Variants in TECRL observed in about 807,000 individuals in gnomAD.
TECRL encodes the protein trans-2,3-enoyl-CoA reductase-like.
TECRL carries 63 observed loss-of-function variants against 52.8 expected under a neutral mutation model. The ratio of observed to expected loss-of-function variants is 1.19; its 90% CI spans 0.97 to 1.47. The LOEUF is 1.47. Among genes scored for constraint, TECRL ranks in the 40% most tolerant of loss-of-function variants. TECRL has a pLI of 0.00. For synonymous variants in TECRL, 164 were observed against 141.9 expected (o/e 1.16, Z -1.10); for missense variants, 482 against 429.6 (o/e 1.12, Z -1.08).
At chr4:64,362,784 T>G (rs755545694) in intron 2 of TECRL, among the ~76,000 whole-genome samples, 2 of 151,998 alleles carry the variant, frequency 1.3e-5, no homozygotes, top group Non-Finnish European at 2.9e-5. Flanking sequence ...AAAACAAGTG[T>G]ACAATCAAGT....
chr4:64,409,422 T>TA lies in TECRL; in HGVS notation c.-72dup, dbSNP rs1724963877. The TA allele has an allele frequency of 1.3e-6, 2 of 1,559,648 alleles. No homozygotes were observed. The highest frequency in any genetic ancestry group is 3.7e-5 in the Admixed American group (2 of 53,800). ...GCAAGTGTGTTCCTTTTGCATCAGT[T>TA]AAATACTGCTGGAGAACCTTTGAAA... On this transcript the variant is annotated 5_prime_UTR_variant, in exon 1 of 12. Coordinates refer to ENST00000381210, the MANE Select transcript of TECRL (RefSeq NM_001010874.5).
intron 7 of TECRL, among the ~76,000 whole-genome samples, chr4:64,303,067 G>A (rs1724113317): frequency 1.3e-5 from 2 of 151,104 alleles, no homozygotes; most frequent in Non-Finnish European, 3.0e-5. Context: ...TGTGAGTACA[G>A]AATTGAATAT....
At chr4:64,340,202 A>G (rs1437107359) in intron 2 of TECRL, among the ~76,000 whole-genome samples, 1 of 152,086 alleles carries the variant, frequency 6.6e-6, no homozygotes, top group Non-Finnish European at 1.5e-5. Context: ...CACCCCTTAT[A>G]AGTAGGGGCA....
intron 2 of TECRL, among the ~76,000 whole-genome samples, chr4:64,374,550 A>G (rs1009647350): frequency 1.1e-4 from 16 of 151,924 alleles, no homozygotes; most frequent in African/African-American, 3.9e-4. Context: ...TCCTAATGCT[A>G]TCCCTCCCCG....
intron 2 of TECRL, among the ~76,000 whole-genome samples, chr4:64,361,028 G>A (rs143471502): frequency 1.2e-4 from 18 of 152,208 alleles, no homozygotes; most frequent in African/African-American, 4.1e-4. Flanking sequence ...TAGACAGAGC[G>A]GGGTGGCCTT....
chr4:64,331,745 T>C (rs907973295), intron 2 of TECRL, among the ~76,000 whole-genome samples: 1 of 152,126 alleles, frequency 6.6e-6, no homozygotes, highest in Non-Finnish European at 1.5e-5. Flanking sequence ...AATGGAATGA[T>C]AGTGTAGTCA....
At chr4:64,375,635 G>A (rs927069396) in intron 1 of TECRL, among the ~76,000 whole-genome samples, 1 of 151,750 alleles carries the variant, frequency 6.6e-6, no homozygotes, top group Non-Finnish European at 1.5e-5. Context: ...GGACAAATGA[G>A]AGAAATGTTT....
At chr4:64,330,167 A>G (rs1718539824) in intron 2 of TECRL, among the ~76,000 whole-genome samples, 2 of 152,102 alleles carry the variant, frequency 1.3e-5, no homozygotes, top group African/African-American at 4.8e-5. Context: ...CTGATTATGC[A>G]TTGAATGCAA....
At chr4:64,345,732 G>A (rs1176034330) in intron 2 of TECRL, among the ~76,000 whole-genome samples, 2 of 151,214 alleles carry the variant, frequency 1.3e-5, no homozygotes, top group Non-Finnish European at 2.9e-5. Context: ...GGTTTTCTAA[G>A]TCACAAGCAG....
chr4:64,369,200 C>T (rs139753195), intron 2 of TECRL, among the ~76,000 whole-genome samples: 1,895 of 152,216 alleles, frequency 0.012, 45 homozygotes, highest in African/African-American at 0.043. Context: ...TATGCTTCAG[C>T]TGTTAATCAT....
Position 64,365,458 on chromosome 4 carries a change from G to A in TECRL, c.286+9714C>T, listed in dbSNP as rs116407146. On this transcript the variant is annotated intron_variant, in intron 2 of 11. Transcript: ENST00000381210. The stretch of plus-strand genomic sequence containing the variant: ...AGTCAAACTATCTCTCTTCATAGAG[G>A]ATATGATTCTGTATCCGGAAAACTC... Among the ~76,000 whole-genome samples the A allele has an allele frequency of 6.2e-3, 941 of 152,076 alleles. 3 individuals carry two copies. The highest frequency in any genetic ancestry group is 0.022 in the African/African-American group (894 of 41,532).
At chr4:64,361,605 A>T (rs1721206157) in intron 2 of TECRL, among the ~76,000 whole-genome samples, 1 of 152,114 alleles carries the variant, frequency 6.6e-6, no homozygotes, top group Non-Finnish European at 1.5e-5. Flanking sequence ...TGCTGAGCTA[A>T]ACCTACACTG....
chr4:64,295,440 T>C (rs1440405842), intron 8 of TECRL, among the ~76,000 whole-genome samples: 1 of 151,496 alleles, frequency 6.6e-6, no homozygotes, highest in Non-Finnish European at 1.5e-5. Flanking sequence ...CTTAAAATTA[T>C]TTCATCTCTA....
At chr4:64,298,873 T>C (rs1332577161) in intron 8 of TECRL, 1 of 151,216 alleles carries the variant, frequency 6.6e-6, no homozygotes, top group Non-Finnish European at 1.5e-5. Flanking sequence ...TATCAGAACA[T>C]TAGTCTTAAT....
rs1337575874 is a variant in TECRL at position 64,279,140 on chromosome 4, C to G, written c.*932G>C. 6.6e-6 allele frequency: 1 copy of G among 152,134 alleles called. No individual in the cohort carries two copies. Among genetic ancestry groups the G allele is most frequent in the Non-Finnish European group, 1.5e-5 (1 of 68,022 alleles). 9.4% of individuals were successfully genotyped at this position (152,134 alleles called of 1,614,324 possible). On this transcript the variant is annotated 3_prime_UTR_variant, in exon 12 of 12. Transcript: ENST00000381210. ...GGTATTGCTGGATCATATGATAGTTCTATTTGTAATTTTTGAAGAAAGTCC... is the reference window on the plus strand; with the variant it reads ...GGTATTGCTGGATCATATGATAGTTGTATTTGTAATTTTTGAAGAAAGTCC...
chr4:64,277,378 GGT>G (rs1722609363), downstream of TECRL, among the ~76,000 whole-genome samples: 1 of 151,762 alleles, frequency 6.6e-6, no homozygotes, highest in Admixed American at 6.6e-5. Context: ...AGCTGCATTA[GGT>G]ATATATGATT....
chr4:64,337,165 A>G (rs1414567516), intron 2 of TECRL, among the ~76,000 whole-genome samples: 1 of 152,204 alleles, frequency 6.6e-6, no homozygotes, highest in Non-Finnish European at 1.5e-5. Flanking sequence ...AATACAATCA[A>G]AGACAAAAAC....
At chr4:64,357,080 T>C (rs373425737) in intron 2 of TECRL, among the ~76,000 whole-genome samples, 2 of 152,282 alleles carry the variant, frequency 1.3e-5, no homozygotes, top group Non-Finnish European at 2.9e-5. Context: ...GAGACCTATA[T>C]ATTAAAATGC....
At chr4:64,405,527 G>C (rs1221128608) in intron 1 of TECRL, among the ~76,000 whole-genome samples, 1 of 152,086 alleles carries the variant, frequency 6.6e-6, no homozygotes, top group African/African-American at 2.4e-5. Flanking sequence ...AAGACCAAGT[G>C]GTCAGTTTTA....
Sources: gnomAD v4.1 joint callset for allele counts (sites outside exome capture counted in the v4.1 genomes callset) on GRCh38, gnomAD v4.1.1 for gene constraint, MANE v1.5 for transcripts, NCBI Gene and HGNC (gene_info 2026-07-23, HGNC 2026-07-21) for gene names.